The following TMEM177 variants were observed in gnomAD, a reference collection of about 807,000 sequenced individuals.
TMEM177 encodes the protein transmembrane protein 177.
A neutral mutation model predicts 14.2 loss-of-function variants in TMEM177; 4 were observed. That is an observed-to-expected ratio of 0.28 (90% CI 0.14 to 0.64). The LOEUF (loss-of-function observed/expected upper bound fraction) is 0.64, where lower values mean the gene tolerates loss of function less well. TMEM177 is among the 30% of genes least tolerant of loss of function. TMEM177 has a pLI of 0.82. For missense variants in TMEM177, 344 were observed against 405.2 expected (o/e 0.85, Z 1.30); for synonymous variants, 179 against 174.5 (o/e 1.03, Z -0.20).
chr2:119,717,330 G>GA, the TMEM177 span, among the ~76,000 whole-genome samples: 498 of 134,302 alleles, frequency 3.7e-3, 1 homozygote, highest in African/African-American at 9.4e-3. Context: ...ACTCCATCTG[G>GA]AAAAAAAAAA....
chr2:119,711,096 C>G, the TMEM177 span, among the ~76,000 whole-genome samples: 1 of 152,174 alleles, frequency 6.6e-6, no homozygotes, highest in Admixed American at 6.5e-5. Flanking sequence ...GACCGACCAC[C>G]CCACCCTCAC....
chr2:119,699,870 GT>G, the TMEM177 span: 3 of 429,326 alleles, frequency 7.0e-6, no homozygotes, highest in East Asian at 6.5e-5. Context: ...AGAGTGCTGA[GT>G]TTTTGTTGCA....
At chr2:119,707,019 C>T in the TMEM177 span, among the ~76,000 whole-genome samples, 1 of 152,078 alleles carries the variant, frequency 6.6e-6, no homozygotes, top group South Asian at 2.1e-4. Context: ...TCAAGCGATT[C>T]TCCTGCCTCA....
At chr2:119,703,201 A>C in the TMEM177 span, among the ~76,000 whole-genome samples, 91 of 152,258 alleles carry the variant, frequency 6.0e-4, no homozygotes, top group African/African-American at 2.1e-3. Context: ...CCAGCCCTGC[A>C]TTTTCCTCTA....
At chr2:119,682,731 C>T (rs375068957), downstream of TMEM177, among the ~76,000 whole-genome samples, 195 of 152,286 alleles carry the variant, frequency 1.3e-3, no homozygotes, top group African/African-American at 4.5e-3. Context: ...AGCCCACTGG[C>T]GCCATCCAGA....
the TMEM177 span, among the ~76,000 whole-genome samples, chr2:119,704,522 T>C: frequency 6.6e-6 from 1 of 151,922 alleles, no homozygotes; most frequent in Non-Finnish European, 1.5e-5. Context: ...CGCTTGAACC[T>C]GGGAGGTGGA....
the TMEM177 span, among the ~76,000 whole-genome samples, chr2:119,718,696 A>C: frequency 6.6e-6 from 1 of 152,250 alleles, no homozygotes; most frequent in East Asian, 1.9e-4. Flanking sequence ...CAAATTGTTG[A>C]AAGGAGAGAA....
the TMEM177 span, among the ~76,000 whole-genome samples, chr2:119,719,092 G>A: frequency 1.3e-5 from 2 of 152,042 alleles, no homozygotes; most frequent in African/African-American, 2.4e-5. Flanking sequence ...AAAAGTTCAC[G>A]AATCATGCCC....
At chr2:119,679,501 G>GAATGAT (rs928309731) in intron 1 of TMEM177, 1 of 151,600 alleles carries the variant, frequency 6.6e-6, no homozygotes, top group Admixed American at 6.6e-5. Context: ...AAAAAAGCCC[G>GAATGAT]AATGATAATG....
At chr2:119,714,620 C>T in the TMEM177 span, among the ~76,000 whole-genome samples, 1 of 152,236 alleles carries the variant, frequency 6.6e-6, no homozygotes, top group African/African-American at 2.4e-5. Flanking sequence ...TCTGCCCCAA[C>T]TCTGTTCCTC....
At chr2:119,707,069 G>A in the TMEM177 span, among the ~76,000 whole-genome samples, 2 of 151,732 alleles carry the variant, frequency 1.3e-5, no homozygotes, top group East Asian at 1.9e-4. Flanking sequence ...CCACCACAAC[G>A]CCCAGCTAAT....
intron 1 of TMEM177, among the ~76,000 whole-genome samples, chr2:119,680,132 A>G (rs1038869081): frequency 6.6e-6 from 1 of 152,204 alleles, no homozygotes; most frequent in Non-Finnish European, 1.5e-5. Context: ...ATTAGGATCC[A>G]TACTGATGGC....
At chr2:119,688,439 C>T (rs1689049562), downstream of TMEM177, among the ~76,000 whole-genome samples, 1 of 152,180 alleles carries the variant, frequency 6.6e-6, no homozygotes. Flanking sequence ...CTTACACAAA[C>T]CTGGATGGCA....
chr2:119,680,865 C>T lies in TMEM177; in HGVS notation c.12C>T (p.Pro4=). MAG[P]LWRTAAFVQR... ...CAGTGACTACACTCATGGCAGGTCC[C>T]CTGTGGCGGACCGCAGCATTTGTGC... The change falls in exon 2 of 2, where the codon CCC becomes CCT. Residue 4 remains proline, a synonymous_variant. Transcript: ENST00000272521. The T allele has an allele frequency of 1.2e-6, 2 of 1,613,230 alleles. No individual in the cohort carries two copies. The highest frequency in any genetic ancestry group is 3.3e-5 in the Admixed American group (2 of 60,004).
At chr2:119,712,175 G>A in the TMEM177 span, among the ~76,000 whole-genome samples, 6 of 151,506 alleles carry the variant, frequency 4.0e-5, no homozygotes, top group Non-Finnish European at 8.8e-5. Flanking sequence ...CTTTGGGCCC[G>A]TTTCTTTATC....
downstream of TMEM177, chr2:119,685,621 G>A (rs774025052): frequency 2.5e-5 from 18 of 716,766 alleles, no homozygotes; most frequent in Non-Finnish European, 4.4e-5. Context: ...CCCAATTGGG[G>A]CATGTGGTTG....
chr2:119,683,752 C>T (rs983513221), downstream of TMEM177, among the ~76,000 whole-genome samples: 1 of 152,224 alleles, frequency 6.6e-6, no homozygotes, highest in African/African-American at 2.4e-5. Context: ...CATCCTCCAG[C>T]CGTGTGTATG....
chr2:119,709,574 C>G, the TMEM177 span, among the ~76,000 whole-genome samples: 4 of 152,188 alleles, frequency 2.6e-5, no homozygotes, highest in Admixed American at 2.6e-4. Flanking sequence ...GTAATCCTAG[C>G]TCTTTGGGAG....
downstream of TMEM177, among the ~76,000 whole-genome samples, chr2:119,682,504 G>C (rs1574269159): frequency 1.3e-5 from 2 of 152,246 alleles, no homozygotes; most frequent in East Asian, 3.9e-4. Flanking sequence ...TTAAGGTGAG[G>C]GGGCCTTAAG....
Sources: gnomAD v4.1 joint callset for allele counts (sites outside exome capture counted in the v4.1 genomes callset) on GRCh38, gnomAD v4.1.1 for gene constraint, MANE v1.5 for transcripts, NCBI Gene and HGNC (gene_info 2026-07-23, HGNC 2026-07-21) for gene names.